The following CHRM3 variants were observed in gnomAD, a reference collection of about 807,000 sequenced individuals.
CHRM3 encodes the protein cholinergic receptor muscarinic 3.
In CHRM3, 11 loss-of-function variants were observed where a neutral mutation model predicts 41.8. The ratio of observed to expected loss-of-function variants is 0.26; its 90% CI spans 0.17 to 0.44. CHRM3 has a LOEUF of 0.44. Among genes scored for constraint, CHRM3 ranks in the 20% least tolerant of loss-of-function variants. CHRM3 has a pLI of 1.00. For missense variants in CHRM3, 571 were observed against 745.4 expected (o/e 0.77, Z 2.72); for synonymous variants, 297 against 301.4 (o/e 0.99, Z 0.15).
At chr1:239,875,583 C>A (rs1238803366) in intron 6 of CHRM3, among the ~76,000 whole-genome samples, 1 of 152,208 alleles carries the variant, frequency 6.6e-6, no homozygotes, top group Non-Finnish European at 1.5e-5. Context: ...CCAAGGCCAA[C>A]CCTGCTCCAT....
At chr1:239,529,042 C>T (rs1354093034) in intron 2 of CHRM3, among the ~76,000 whole-genome samples, 1 of 152,108 alleles carries the variant, frequency 6.6e-6, no homozygotes, top group Non-Finnish European at 1.5e-5. Context: ...CTGTTTCCTC[C>T]CATTTCCTTC....
chr1:239,751,603 C>G (rs915582624), intron 5 of CHRM3, among the ~76,000 whole-genome samples: 1 of 152,112 alleles, frequency 6.6e-6, no homozygotes, highest in African/African-American at 2.4e-5. Context: ...TACTGGACCT[C>G]TAGGCTAACT....
chr1:239,500,596 C>T (rs923453189), intron 2 of CHRM3, among the ~76,000 whole-genome samples: 16 of 151,040 alleles, frequency 1.1e-4, no homozygotes, highest in African/African-American at 2.4e-4. Flanking sequence ...TGCACATGTA[C>T]CCTAAAACTT....
At chr1:239,464,084 C>T (rs145788495) in intron 1 of CHRM3, among the ~76,000 whole-genome samples, 621 of 152,170 alleles carry the variant, frequency 4.1e-3, no homozygotes, top group Non-Finnish European at 5.8e-3. Context: ...CAAGACTAGC[C>T]TGGCCAACAT....
chr1:239,500,754 T>C (rs1348916055), intron 2 of CHRM3, among the ~76,000 whole-genome samples: 4 of 150,812 alleles, frequency 2.7e-5, no homozygotes, highest in Non-Finnish European at 5.9e-5. Flanking sequence ...ACAAAAAGCA[T>C]GACGAATGCA....
rs938598373 is a variant in CHRM3 at position 239,780,950 on chromosome 1, G to T, written c.-146-46302G>T. Reference sequence around the variant, plus strand: ...TATATTCATGTGGGCCTATTTCTGGGCTCTCTATTTTGTTTTATTAATCTG... The same window carrying T: ...TATATTCATGTGGGCCTATTTCTGGTCTCTCTATTTTGTTTTATTAATCTG... On this transcript the variant is annotated intron_variant, in intron 5 of 6. Coordinates refer to ENST00000676153, the MANE Select transcript of CHRM3 (RefSeq NM_001375978.1). Among the ~76,000 whole-genome samples the T allele has an allele frequency of 5.3e-5, 8 of 151,906 alleles. 1 individual carries two copies. Among genetic ancestry groups the T allele is most frequent in the Non-Finnish European group, 1.2e-4 (8 of 67,972 alleles).
intron 1 of CHRM3, among the ~76,000 whole-genome samples, chr1:239,430,337 A>T (rs532899764): frequency 1.3e-5 from 2 of 152,152 alleles, no homozygotes; most frequent in South Asian, 4.1e-4. Flanking sequence ...ACATTTTTTT[A>T]AAATGTTCAC....
chr1:239,829,403 G>T (rs1349800783), intron 6 of CHRM3, among the ~76,000 whole-genome samples: 3 of 69,864 alleles, frequency 4.3e-5, no homozygotes, highest in Non-Finnish European at 1.4e-4. Flanking sequence ...AGGACTGAAT[G>T]ATTTTTTTTT....
intron 6 of CHRM3, among the ~76,000 whole-genome samples, chr1:239,884,595 G>T (rs2102898866): frequency 6.6e-6 from 1 of 152,308 alleles, no homozygotes; most frequent in South Asian, 2.1e-4. Flanking sequence ...CCTTAACGAA[G>T]CTTTTTTGAG....
chr1:239,616,355 G>A (rs1318419982), intron 3 of CHRM3, among the ~76,000 whole-genome samples: 1 of 152,144 alleles, frequency 6.6e-6, no homozygotes, highest in Non-Finnish European at 1.5e-5. Context: ...ATTTTACCAT[G>A]CAACTGTTCT....
chr1:239,811,623 C>CA (rs1406629879), intron 5 of CHRM3, among the ~76,000 whole-genome samples: 5 of 152,188 alleles, frequency 3.3e-5, no homozygotes, highest in African/African-American at 1.2e-4. Context: ...TCTTATAAAG[C>CA]AAAGTCTCTC....
At chr1:239,839,273 A>G (rs1159232906) in intron 6 of CHRM3, among the ~76,000 whole-genome samples, 1 of 152,234 alleles carries the variant, frequency 6.6e-6, no homozygotes, top group East Asian at 1.9e-4. Flanking sequence ...CTCTCGATCT[A>G]TATCATCATT....
At chr1:239,665,965 C>A (rs1268556885) in intron 4 of CHRM3, among the ~76,000 whole-genome samples, 2 of 152,096 alleles carry the variant, frequency 1.3e-5, no homozygotes, top group African/African-American at 4.8e-5. Context: ...GTAAATAGTG[C>A]TGCAATAAAC....
At chr1:239,572,164 A>G (rs1661887360) in intron 3 of CHRM3, among the ~76,000 whole-genome samples, 2 of 152,190 alleles carry the variant, frequency 1.3e-5, no homozygotes, top group African/African-American at 4.8e-5. Context: ...TAGGGCTTCC[A>G]TATATGCAGG....
At chr1:239,603,530 A>G (rs1665868523) in intron 3 of CHRM3, among the ~76,000 whole-genome samples, 1 of 152,114 alleles carries the variant, frequency 6.6e-6, no homozygotes, top group Admixed American at 6.6e-5. Flanking sequence ...GTTGCTCTCA[A>G]ACTAAGTAAG....
intron 5 of CHRM3, among the ~76,000 whole-genome samples, chr1:239,795,950 A>G (rs894218721): frequency 2.0e-5 from 3 of 152,302 alleles, no homozygotes; most frequent in East Asian, 3.9e-4. Context: ...CTTTATGCTG[A>G]TATTTTTATA....
At chr1:239,686,038 T>G (rs530062370) in intron 5 of CHRM3, among the ~76,000 whole-genome samples, 2 of 151,988 alleles carry the variant, frequency 1.3e-5, no homozygotes, top group African/African-American at 4.8e-5. Flanking sequence ...CCATCACGCC[T>G]CCTGCCACTG....
intron 5 of CHRM3, among the ~76,000 whole-genome samples, chr1:239,814,297 G>A (rs1284691032): frequency 6.6e-6 from 1 of 152,040 alleles, no homozygotes; most frequent in Non-Finnish European, 1.5e-5. Flanking sequence ...TTTTAAGAAG[G>A]GCACTGTGGA....
intron 2 of CHRM3, among the ~76,000 whole-genome samples, chr1:239,538,034 A>C (rs1237059953): frequency 6.6e-6 from 1 of 152,184 alleles, no homozygotes; most frequent in Non-Finnish European, 1.5e-5. Flanking sequence ...GTTAATTATG[A>C]TATTGCTCCA....
Sources: gnomAD v4.1 joint callset for allele counts (sites outside exome capture counted in the v4.1 genomes callset) on GRCh38, gnomAD v4.1.1 for gene constraint, MANE v1.5 for transcripts, NCBI Gene and HGNC (gene_info 2026-07-23, HGNC 2026-07-21) for gene names.